CSMD1: variants seen among roughly 807,000 people sequenced by gnomAD.
The protein encoded by CSMD1 is CUB and sushi domain-containing protein 1.
CSMD1 carries 213 observed loss-of-function variants against 417.5 expected under a neutral mutation model. The ratio of observed to expected loss-of-function variants is 0.51; its 90% confidence interval spans 0.46 to 0.57. The LOEUF is 0.57. Ranked by LOEUF, CSMD1 falls within the 20% of genes least tolerant of loss-of-function variation. The probability of loss-of-function intolerance (pLI) is 0.00; values close to 1 mark genes in which losing one functional copy is unlikely to be tolerated. For missense variants in CSMD1, 6,923 were observed against 4,529.7 expected (o/e 1.53, Z -15.17); for synonymous variants, 2,862 against 1,736.8 (o/e 1.65, Z -16.11).
At chr8:4,685,415 A>G (rs1039100969) in intron 1 of CSMD1, among the ~76,000 whole-genome samples, 1 of 152,010 alleles carries the variant, frequency 6.6e-6, no homozygotes, top group Non-Finnish European at 1.5e-5. Context: ...CTCTACTAAA[A>G]ATACAAAATA....
chr8:3,158,635 CAAT>C (rs1348518717), intron 38 of CSMD1, among the ~76,000 whole-genome samples: 1 of 148,820 alleles, frequency 6.7e-6, no homozygotes, highest in Non-Finnish European at 1.5e-5. Flanking sequence ...CAGTCTTTCT[CAAT>C]GAAAAAAAAA....
At chr8:3,518,723 A>C (rs1372541631) in intron 10 of CSMD1, among the ~76,000 whole-genome samples, 2 of 152,196 alleles carry the variant, frequency 1.3e-5, no homozygotes, top group Non-Finnish European at 2.9e-5. Context: ...GTGGTTTTCA[A>C]AGTCCTTGAG....
intron 2 of CSMD1, among the ~76,000 whole-genome samples, chr8:4,581,076 C>G (rs573565708): frequency 5.8e-4 from 89 of 152,188 alleles, no homozygotes; most frequent in Non-Finnish European, 1.0e-3. Flanking sequence ...GTTTACATGA[C>G]TACATTTTAA....
chr8:3,179,117 T>C (rs1289655682), intron 37 of CSMD1, among the ~76,000 whole-genome samples: 2 of 151,156 alleles, frequency 1.3e-5, no homozygotes, highest in African/African-American at 2.4e-5. Context: ...GGCTAATTCT[T>C]TGTATTTTTA....
At position 4,574,858 on chromosome 8, in the gene CSMD1, G is replaced by A. The variant is rs184625358; in HGVS notation, c.302+62484C>T. Among the ~76,000 whole-genome samples the A allele has an allele frequency of 2.5e-4, 38 of 152,164 alleles. No homozygotes were observed. In the East Asian group the frequency reaches 2.9e-3, roughly 12 times the overall value. ...TCTTTCATGATTCAAGTGCTTCTTC[G>A]TCCAAAATTTAATTTAAATAGACTT... On this transcript the variant is annotated intron_variant, in intron 2 of 69. Transcript: ENST00000635120.
chr8:3,294,073 G>C (rs189870217), intron 25 of CSMD1, among the ~76,000 whole-genome samples: 3 of 152,298 alleles, frequency 2.0e-5, no homozygotes, highest in East Asian at 3.9e-4. Context: ...ACATCTGTTG[G>C]AGTTTGCTGG....
intron 25 of CSMD1, among the ~76,000 whole-genome samples, chr8:3,284,846 G>C (rs1028546236): frequency 1.3e-5 from 2 of 152,168 alleles, no homozygotes; most frequent in Admixed American, 6.5e-5. Flanking sequence ...CTGCTCTTGT[G>C]TTGTACTTCT....
intron 5 of CSMD1, among the ~76,000 whole-genome samples, chr8:3,973,106 C>T (rs1392971075): frequency 1.3e-5 from 2 of 152,200 alleles, no homozygotes; most frequent in Non-Finnish European, 2.9e-5. Flanking sequence ...TGCAAGCCTG[C>T]TTTCTTGACA....
chr8:3,711,345 C>G (rs1044321570), intron 6 of CSMD1, among the ~76,000 whole-genome samples: 1 of 152,138 alleles, frequency 6.6e-6, no homozygotes, highest in Non-Finnish European at 1.5e-5. Context: ...ACCCAGATCC[C>G]CCTCCAAGGA....
intron 42 of CSMD1, among the ~76,000 whole-genome samples, chr8:3,116,631 T>A (rs572673843): frequency 6.6e-6 from 1 of 152,166 alleles, no homozygotes; most frequent in African/African-American, 2.4e-5. Context: ...TTAAATTCTA[T>A]CAAAAAAGGT....
intron 2 of CSMD1, among the ~76,000 whole-genome samples, chr8:4,500,465 C>G (rs1305214457): frequency 2.6e-5 from 4 of 152,008 alleles, no homozygotes; most frequent in Admixed American, 6.6e-5. Context: ...GAACAAAACA[C>G]CAGAAACAAG....
At chr8:3,111,814 A>G (rs1238398876) in intron 42 of CSMD1, among the ~76,000 whole-genome samples, 1 of 152,122 alleles carries the variant, frequency 6.6e-6, no homozygotes, top group Non-Finnish European at 1.5e-5. Context: ...CATGGGTGAC[A>G]GAGTCTCTGT....
rs184772700 is a variant in CSMD1, at chr8:2,968,355, A to C, written c.8924-1609T>G. On this transcript the variant is annotated intron_variant, in intron 57 of 69. Transcript: ENST00000635120. ...GTTATTGTTACATTGTATTCTAATT[A>C]CATTTGCTATTCAATTGTATGTCTA... 2.5e-3 allele frequency among the ~76,000 whole-genome samples: 383 copies of C among 152,356 alleles called. 1 individual carries two copies. The highest frequency in any genetic ancestry group is 9.3e-3 in the South Asian group (45 of 4,828).
intron 3 of CSMD1, among the ~76,000 whole-genome samples, chr8:4,371,591 T>G (rs1802399953): frequency 6.6e-6 from 1 of 152,228 alleles, no homozygotes; most frequent in African/African-American, 2.4e-5. Flanking sequence ...TTCAAAATGC[T>G]GATTTCTCTG....
intron 7 of CSMD1, among the ~76,000 whole-genome samples, chr8:3,656,790 G>A (rs1798133172): frequency 6.6e-6 from 1 of 152,064 alleles, no homozygotes; most frequent in South Asian, 2.1e-4. Context: ...GGCAGATGTG[G>A]TGGGCATCCC....
chr8:4,377,893 G>C (rs983439027), intron 3 of CSMD1, among the ~76,000 whole-genome samples: 1 of 152,118 alleles, frequency 6.6e-6, no homozygotes, highest in Non-Finnish European at 1.5e-5. Flanking sequence ...AATTAGTATG[G>C]ATTACTTTGT....
intron 2 of CSMD1, among the ~76,000 whole-genome samples, chr8:4,622,484 GA>G (rs1167046769): frequency 1.3e-5 from 2 of 152,148 alleles, no homozygotes; most frequent in Non-Finnish European, 2.9e-5. Flanking sequence ...CACATAATCA[GA>G]AGCAGAAATT....
chr8:4,825,844 A>T (rs924539127), intron 1 of CSMD1, among the ~76,000 whole-genome samples: 2 of 152,022 alleles, frequency 1.3e-5, no homozygotes. Flanking sequence ...GGCAAAAGAC[A>T]CTTCTCTGAA....
rs937122869 is a variant in CSMD1, at chr8:3,970,742, CTTGTT to C, written c.818+27156_818+27160del. On this transcript the variant is annotated intron_variant, in intron 5 of 69. Transcript: ENST00000635120. The stretch of plus-strand genomic sequence containing the variant: ...CTCTGCTTAACAGGTGGCATGGCAT[CTTGTT>C]TTTTGTTTTTTTGTTTTTGTTTTTG... Among the ~76,000 whole-genome samples, 26 of 152,046 alleles carry C rather than the reference CTTGTT, an allele frequency of 1.7e-4. No individual in the cohort carries two copies. The East Asian group carries it at 4.8e-3, about 28-fold the overall frequency.
Sources: gnomAD v4.1 joint callset for allele counts (sites outside exome capture counted in the v4.1 genomes callset) on GRCh38, gnomAD v4.1.1 for gene constraint, MANE v1.5 for transcripts, NCBI Gene and HGNC (gene_info 2026-07-23, HGNC 2026-07-21) for gene names.